Variants in MTCL2 observed in about 807,000 individuals in gnomAD.
The protein encoded by MTCL2 is microtubule cross-linking factor 2.
chr20:36,797,578 G>A, the MTCL2 span: 1 of 1,555,794 alleles, frequency 6.4e-7, no homozygotes, highest in Non-Finnish European at 8.7e-7. Context: ...CTGCAGCTGG[G>A]CAAGGGCAGA....
At chr20:36,859,460 A>C in the MTCL2 span, 1 of 679,956 alleles carries the variant, frequency 1.5e-6, no homozygotes, top group East Asian at 3.5e-5. Flanking sequence ...CACCACATCA[A>C]TCTCCCTCTG....
the MTCL2 span, chr20:36,793,123 T>C: frequency 8.2e-7 from 1 of 1,216,914 alleles, no homozygotes; most frequent in South Asian, 1.6e-5. This position sits in a 1 kb window ranked among gnomAD's most constrained non-coding sequence, Gnocchi z 6.8. Flanking sequence ...CAGACTGGTC[T>C]TGAACTCCTG....
At chr20:36,840,433 G>A in the MTCL2 span, among the ~76,000 whole-genome samples, 1 of 151,610 alleles carries the variant, frequency 6.6e-6, no homozygotes, top group Non-Finnish European at 1.5e-5. Context: ...CTCCCAAATT[G>A]CTGGGATTAC....
chr20:36,816,040 C>A, the MTCL2 span: 1 of 1,613,734 alleles, frequency 6.2e-7, no homozygotes, highest in Non-Finnish European at 8.5e-7. Flanking sequence ...TTCTCCACCT[C>A]CAGCTCCACG....
the MTCL2 span, among the ~76,000 whole-genome samples, chr20:36,795,005 C>T: frequency 6.6e-6 from 1 of 151,306 alleles, no homozygotes; most frequent in Admixed American, 6.6e-5. Context: ...GTGGCATGAT[C>T]TCGGCTCACT....
the MTCL2 span, among the ~76,000 whole-genome samples, chr20:36,830,886 G>A: frequency 6.6e-6 from 1 of 152,208 alleles, no homozygotes; most frequent in Non-Finnish European, 1.5e-5. Context: ...CCAGAGAAGG[G>A]CATGATCGCT....
the MTCL2 span, among the ~76,000 whole-genome samples, chr20:36,860,110 GA>G: frequency 6.6e-6 from 1 of 152,188 alleles, no homozygotes; most frequent in Non-Finnish European, 1.5e-5. Context: ...TACACAGTGA[GA>G]AGTGGCATGG....
chr20:36,851,062 G>A, the MTCL2 span, among the ~76,000 whole-genome samples: 1 of 152,154 alleles, frequency 6.6e-6, no homozygotes, highest in Admixed American at 6.5e-5. Flanking sequence ...AATCGAGAGA[G>A]GAACTGACCT....
At chr20:36,805,884 G>C in the MTCL2 span, 4 of 1,613,254 alleles carry the variant, frequency 2.5e-6, no homozygotes, top group African/African-American at 4.0e-5. Context: ...CCCCGTGCAG[G>C]CCTTGTTATC....
the MTCL2 span, among the ~76,000 whole-genome samples, chr20:36,827,199 C>A: frequency 6.6e-6 from 1 of 151,822 alleles, no homozygotes; most frequent in Non-Finnish European, 1.5e-5. Flanking sequence ...CAGGTGCCCG[C>A]CACCACACCC....
chr20:36,857,558 G>T, the MTCL2 span, among the ~76,000 whole-genome samples: 4 of 152,144 alleles, frequency 2.6e-5, no homozygotes, highest in Non-Finnish European at 5.9e-5. Context: ...AGTATGCCCA[G>T]GGACACAGGC....
the MTCL2 span, among the ~76,000 whole-genome samples, chr20:36,834,770 C>T: frequency 2.1e-4 from 32 of 152,050 alleles, no homozygotes; most frequent in East Asian, 9.7e-4. Flanking sequence ...GGGAGGCCGA[C>T]GTGGGTAGAT....
the MTCL2 span, chr20:36,802,868 G>A: frequency 6.3e-7 from 1 of 1,578,848 alleles, no homozygotes; most frequent in African/African-American, 1.3e-5. Context: ...GGCTTAGGCG[G>A]TTCTGCAGCT....
At chr20:36,838,985 A>C in the MTCL2 span, among the ~76,000 whole-genome samples, 2 of 151,786 alleles carry the variant, frequency 1.3e-5, no homozygotes, top group African/African-American at 2.4e-5. Context: ...AAAAAAAAAA[A>C]ACAGTAGCTG....
At chr20:36,840,865 T>G in the MTCL2 span, among the ~76,000 whole-genome samples, 1 of 151,022 alleles carries the variant, frequency 6.6e-6, no homozygotes, top group Non-Finnish European at 1.5e-5. Context: ...GAAACATGGA[T>G]GAGCATCAAC....
chr20:36,801,548 T>TA, the MTCL2 span, among the ~76,000 whole-genome samples: 339 of 122,016 alleles, frequency 2.8e-3, no homozygotes, highest in East Asian at 0.015. Flanking sequence ...TCATCTCTCA[T>TA]AAAAAAAAAA....
chr20:36,815,519 C>T, the MTCL2 span: 36 of 1,578,440 alleles, frequency 2.3e-5, no homozygotes, highest in Middle Eastern at 1.7e-4. This position sits in a 1 kb window ranked among gnomAD's most constrained non-coding sequence, Gnocchi z 5.3. Context: ...AGAGTCGGAC[C>T]GCATGGGACT....
At chr20:36,784,780 C>G in the MTCL2 span, 1 of 985,628 alleles carries the variant, frequency 1.0e-6, no homozygotes, top group Non-Finnish European at 1.2e-6. Flanking sequence ...CCGTGAAAGG[C>G]CATAAGGCTA....
chr20:36,788,250 TGAGA>T, the MTCL2 span, among the ~76,000 whole-genome samples: 3 of 149,560 alleles, frequency 2.0e-5, no homozygotes, highest in African/African-American at 7.4e-5. Context: ...TGTGGGAGGC[TGAGA>T]CAGGAGGATC....
Sources: allele counts gnomAD v4.1 joint callset (sites outside exome capture counted in the v4.1 genomes callset), GRCh38; gene constraint gnomAD v4.1.1; non-coding constraint Gnocchi (gnomAD v3.1); transcripts MANE v1.5; gene names NCBI Gene and HGNC (gene_info 2026-07-23, HGNC 2026-07-21).